AFF2: variants seen among roughly 807,000 people sequenced by gnomAD.
AFF2 encodes ALF transcription elongation factor 2.
Under a neutral mutation model 76.9 loss-of-function variants are expected in AFF2, and 14 were observed. That is an observed-to-expected ratio of 0.18 (90% CI 0.12 to 0.28). The LOEUF is 0.28. Among genes scored for constraint, AFF2 ranks in the 10% least tolerant of loss-of-function variants. The probability of loss-of-function intolerance (pLI) is 1.00; values close to 1 mark genes in which losing one functional copy is unlikely to be tolerated. For missense variants in AFF2, 868 were observed against 1,001.1 expected, an observed-to-expected ratio of 0.87 and a Z score of 1.79; for synonymous variants, 398 against 366.7, an observed-to-expected ratio of 1.09 and a Z score of -0.98.
At chrX:148,674,778 A>G (rs951710084) in intron 3 of AFF2, among the ~76,000 whole-genome samples, 1 of 112,129 alleles carries the variant, frequency 8.9e-6, no homozygotes, top group Non-Finnish European at 1.9e-5. Flanking sequence ...CAGCCCTATT[A>G]TTTTATCTAA....
rs148637695 is a variant in AFF2, at chrX:148,577,845, G to T, written c.48-74154G>T. 5.8e-3 allele frequency among the ~76,000 whole-genome samples: 643 copies of T among 111,418 alleles called. 2 individuals are homozygous for T. Among genetic ancestry groups the T allele is most frequent in the Non-Finnish European group, 0.01 (531 of 52,976 alleles). ...AATGCCTTTACAACAAGGTATTACT[G>T]TGTCTCACTTGCATTAGGGCCCACC... On this transcript the variant is annotated intron_variant, in intron 1 of 20. Transcript: ENST00000370460.
At chrX:148,782,228 ACAT>A (rs1263150855) in intron 3 of AFF2, among the ~76,000 whole-genome samples, 9 of 112,042 alleles carry the variant, frequency 8.0e-5, no homozygotes, top group Non-Finnish European at 1.7e-4. Flanking sequence ...TTTGACGTGG[ACAT>A]ATCTTTTGGG....
At chrX:148,832,005 A>G (rs2070460378) in intron 4 of AFF2, among the ~76,000 whole-genome samples, 1 of 112,428 alleles carries the variant, frequency 8.9e-6, no homozygotes, top group African/African-American at 3.2e-5. Context: ...ACAAGACCTC[A>G]CTCACATAAA....
intron 1 of AFF2, among the ~76,000 whole-genome samples, chrX:148,562,057 A>G (rs1557240773): frequency 1.8e-5 from 2 of 111,928 alleles, no homozygotes; most frequent in African/African-American, 3.3e-5. Context: ...GAACTTACAT[A>G]TGGGAAAATG....
intron 9 of AFF2, among the ~76,000 whole-genome samples, chrX:148,907,657 G>A (rs976976086): frequency 9.0e-6 from 1 of 111,495 alleles, no homozygotes; most frequent in African/African-American, 3.3e-5. Context: ...TGCTTCACAA[G>A]GTAATAGAAT....
chrX:148,593,168 T>G (rs1220509046), intron 1 of AFF2, among the ~76,000 whole-genome samples: 1 of 112,227 alleles, frequency 8.9e-6, no homozygotes, highest in Non-Finnish European at 1.9e-5. Flanking sequence ...TGAGAAGCTG[T>G]GCATTCTCTA....
intron 1 of AFF2, among the ~76,000 whole-genome samples, chrX:148,513,426 T>C (rs781935107): frequency 3.0e-4 from 34 of 111,954 alleles, no homozygotes; most frequent in Non-Finnish European, 6.4e-4. Context: ...ATTATTTCTG[T>C]CTTTTAGTAG....
chrX:148,791,572 G>A (rs1478550590), intron 3 of AFF2, among the ~76,000 whole-genome samples: 9 of 112,246 alleles, frequency 8.0e-5, no homozygotes, highest in East Asian at 2.8e-4. Flanking sequence ...TAAAACTTCC[G>A]CTCTTGAATT....
chrX:148,816,821 C>T (rs782628400), intron 4 of AFF2, among the ~76,000 whole-genome samples: 9 of 107,777 alleles, frequency 8.4e-5, no homozygotes, highest in African/African-American at 1.7e-4. Context: ...CCTTGTATTC[C>T]GAAGAGAATT....
At chrX:148,756,400 CTG>C (rs1264248528) in intron 3 of AFF2, among the ~76,000 whole-genome samples, 1 of 112,358 alleles carries the variant, frequency 8.9e-6, no homozygotes, top group African/African-American at 3.2e-5. Flanking sequence ...AAAGACTTAA[CTG>C]TGCTTTCCAT....
chrX:148,762,428 C>T (rs782658218), intron 3 of AFF2, among the ~76,000 whole-genome samples: 5 of 76,924 alleles, frequency 6.5e-5, no homozygotes, highest in African/African-American at 4.9e-4. Context: ...TATACACATG[C>T]ACACATATAT....
intron 3 of AFF2, among the ~76,000 whole-genome samples, chrX:148,682,599 T>TGGAC (rs1399199502): frequency 9.0e-6 from 1 of 110,664 alleles, no homozygotes; most frequent in African/African-American, 3.3e-5. Context: ...GATGGATGGA[T>TGGAC]GGATGGATGG....
At chrX:148,798,751 G>A (rs1053017440) in intron 3 of AFF2, among the ~76,000 whole-genome samples, 2 of 111,900 alleles carry the variant, frequency 1.8e-5, no homozygotes, top group African/African-American at 3.3e-5. Context: ...TGCTGTCCAC[G>A]TTAATTGGCA....
chrX:148,543,725 T>C (rs1307539703), intron 1 of AFF2, among the ~76,000 whole-genome samples: 2 of 112,454 alleles, frequency 1.8e-5, no homozygotes, highest in Non-Finnish European at 3.7e-5. Context: ...TTTTTTGTAG[T>C]GGCTTACAGC....
At chrX:148,663,489 G>C in intron 3 of AFF2, among the ~76,000 whole-genome samples, 1 of 112,477 alleles carries the variant, frequency 8.9e-6, no homozygotes, top group Middle Eastern at 4.6e-3. Context: ...TTGTAAAAGA[G>C]AAGTCCAGAG....
intron 7 of AFF2, among the ~76,000 whole-genome samples, chrX:148,850,530 A>C (rs782134389): frequency 3.9e-4 from 44 of 111,662 alleles, no homozygotes; most frequent in Middle Eastern, 4.6e-3. Flanking sequence ...ACACCCCCAC[A>C]CACACACACA....
chrX:148,689,381 C>G (rs1263456566), intron 3 of AFF2, among the ~76,000 whole-genome samples: 3 of 111,180 alleles, frequency 2.7e-5, no homozygotes, highest in Non-Finnish European at 5.7e-5. Flanking sequence ...TGCACTTGCC[C>G]TTCAGATATT....
intron 3 of AFF2, among the ~76,000 whole-genome samples, chrX:148,701,775 T>A (rs782496653): frequency 8.9e-6 from 1 of 111,887 alleles, no homozygotes; most frequent in South Asian, 3.7e-4. Context: ...TTTGTGGTTG[T>A]ATGTCTGTGA....
At chrX:148,898,681 A>AT (rs782714048) in intron 8 of AFF2, among the ~76,000 whole-genome samples, 1 of 111,618 alleles carries the variant, frequency 9.0e-6, no homozygotes, top group Admixed American at 9.5e-5. Flanking sequence ...CCAGAGGCTT[A>AT]TTTTTTCCCT....
Sources: gnomAD v4.1 joint callset for allele counts (sites outside exome capture counted in the v4.1 genomes callset) on GRCh38, gnomAD v4.1.1 for gene constraint, MANE v1.5 for transcripts, NCBI Gene and HGNC (gene_info 2026-07-23, HGNC 2026-07-21) for gene names.